The following CRYBG3 variants were observed in gnomAD, a reference collection of about 807,000 sequenced individuals.
The protein encoded by CRYBG3 is crystallin beta-gamma domain containing 3, also known as very large A-kinase anchor protein.
CRYBG3 carries 127 observed loss-of-function variants against 244.2 expected under a neutral mutation model. The observed-to-expected ratio is 0.52, with a 90% CI of 0.45 to 0.60. CRYBG3 has a LOEUF of 0.60. Among genes scored for constraint, CRYBG3 ranks in the 20% least tolerant of loss-of-function variants. The pLI, the probability that CRYBG3 is intolerant of heterozygous loss-of-function variation, is 0.00. For missense variants in CRYBG3, 3,325 were observed against 3,442.5 expected, an observed-to-expected ratio of 0.97 and a Z score of 0.85; for synonymous variants, 1,132 against 1,195.8, an observed-to-expected ratio of 0.95 and a Z score of 1.10.
intron 2 of CRYBG3, among the ~76,000 whole-genome samples, chr3:97,860,439 G>C (rs1331849189): frequency 1.3e-5 from 2 of 152,142 alleles, no homozygotes; most frequent in Non-Finnish European, 2.9e-5. Flanking sequence ...TTTTACAGTG[G>C]AGGGGTCTGC....
chr3:97,934,714 TTTC>T (rs2040140488), intron 18 of CRYBG3, among the ~76,000 whole-genome samples: 1 of 152,094 alleles, frequency 6.6e-6, no homozygotes, highest in African/African-American at 2.4e-5. Context: ...TAGCTTAAGT[TTTC>T]TTCTGCAAAA....
intron 2 of CRYBG3, among the ~76,000 whole-genome samples, chr3:97,856,003 C>T (rs1005377514): frequency 3.9e-5 from 6 of 152,018 alleles, no homozygotes; most frequent in African/African-American, 1.2e-4. Flanking sequence ...ATTTATTAGG[C>T]GGGAATTTCC....
Position 97,876,216 on chromosome 3 carries a change from T to G in CRYBG3, c.5022T>G (p.His1674Gln), listed in dbSNP as rs968870090. 9 of 1,231,854 alleles carry G rather than the reference T, an allele frequency of 7.3e-6. No individual in the cohort carries two copies. In the African/African-American group the frequency reaches 1.4e-4, roughly 19 times the overall value. 76.3% of individuals were successfully genotyped at this position (1,231,854 alleles called of 1,614,324 possible). ...TVDMENIYQT[H>Q]AEGDIGKTGT... ...ACATGGAAAATATTTACCAAACGCATGCTGAAGGGGATATTGGCAAGACTG... is the reference window on the plus strand; with the variant it reads ...ACATGGAAAATATTTACCAAACGCAGGCTGAAGGGGATATTGGCAAGACTG... Residue 1674 changes from histidine (H) to glutamine (Q), a missense_variant, in exon 4 of 22, where the codon CAT (histidine) becomes CAG (glutamine). Physicochemically the swap from His to Gln is conservative, Grantham distance 24. Coordinates refer to ENST00000389622, the MANE Select transcript of CRYBG3 (RefSeq NM_153605.4).
At position 97,877,071 on chromosome 3, in the gene CRYBG3, A is replaced by G. The variant is rs769089599; in HGVS notation, c.5877A>G (p.Val1959=). ...MPDFQPGDTT[V]RLDKRMSLTA... is the part of the protein sequence containing the mutation. The stretch of plus-strand genomic sequence containing the variant: ...ATTTTCAACCTGGGGATACCACAGT[A>G]AGACTAGACAAAAGAATGTCTCTTA... The change falls in exon 4 of 22, where the codon GTA becomes GTG. Residue 1959 remains valine (V), a synonymous_variant. Coordinates refer to ENST00000389622, the MANE Select transcript of CRYBG3 (RefSeq NM_153605.4). The G allele has an allele frequency of 1.9e-6, 3 of 1,608,596 alleles. No individual in the cohort carries two copies.
chr3:97,940,032 A>G (rs1185667430), intron 19 of CRYBG3, among the ~76,000 whole-genome samples: 2 of 152,056 alleles, frequency 1.3e-5, no homozygotes, highest in Non-Finnish European at 2.9e-5. Context: ...GTTTCTTAGC[A>G]TGAAAGTGCT....
chr3:97,906,467 TG>T (rs1399023954), intron 15 of CRYBG3, among the ~76,000 whole-genome samples: 9 of 123,298 alleles, frequency 7.3e-5, no homozygotes, highest in African/African-American at 2.6e-4. Context: ...TCACATCCCT[TG>T]TAAGTTGGAT....
intron 17 of CRYBG3, among the ~76,000 whole-genome samples, chr3:97,929,631 A>C (rs558581814): frequency 7.2e-5 from 11 of 152,128 alleles, no homozygotes; most frequent in African/African-American, 2.6e-4. Context: ...GGACCACATA[A>C]TGATATCCTT....
chr3:97,889,732 C>T (rs777710067), intron 10 of CRYBG3, among the ~76,000 whole-genome samples: 5 of 152,130 alleles, frequency 3.3e-5, no homozygotes, highest in South Asian at 2.1e-4. Flanking sequence ...AGATATCTAG[C>T]GGGCATTTGG....
chr3:97,875,766 A>G lies in CRYBG3; in HGVS notation c.4572A>G (p.Lys1524=). 8.1e-7 allele frequency: 1 copy of G among 1,232,102 alleles called. No individual in the cohort carries two copies. Among genetic ancestry groups the G allele is most frequent in the Non-Finnish European group, 1.0e-6 (1 of 987,906 alleles). 76.3% of individuals were successfully genotyped at this position (1,232,102 alleles called of 1,614,324 possible). A position where few individuals can be genotyped will look rare whatever the true frequency, so the allele number is the denominator to read the frequency against. The part of the protein sequence containing the change: ...NTPLAMSDVG[K]VHKKDNEINI... ...CTCTTGCAATGTCAGATGTAGGGAA[A>G]GTACACAAGAAGGATAATGAAATAA... The change falls in exon 4 of 22, where the codon AAA becomes AAG. Residue 1524 remains lysine (K), a synonymous_variant. Coordinates refer to ENST00000389622, the MANE Select transcript of CRYBG3 (RefSeq NM_153605.4).
chr3:97,938,108 TCTTTAG>T (rs1429182626), intron 19 of CRYBG3, among the ~76,000 whole-genome samples: 1 of 151,988 alleles, frequency 6.6e-6, no homozygotes, highest in Non-Finnish European at 1.5e-5. Context: ...CTCTCTAATC[TCTTTAG>T]AACACTTTCT....
chr3:97,859,252 T>A (rs748688320), intron 2 of CRYBG3, among the ~76,000 whole-genome samples: 30 of 152,260 alleles, frequency 2.0e-4, no homozygotes, highest in Non-Finnish European at 2.6e-4. Flanking sequence ...TCACTGGTAG[T>A]GTCAGGCTCC....
intron 12 of CRYBG3, 90 bp from the exon 13 acceptor site, chr3:97,898,793 C>A: frequency 1.2e-6 from 1 of 832,504 alleles, no homozygotes; most frequent in Non-Finnish European, 1.8e-6. Context: ...GTAAAAATTA[C>A]CCCATCAGTA....
At chr3:97,852,411 G>A (rs946374530) in intron 2 of CRYBG3, among the ~76,000 whole-genome samples, 24 of 152,268 alleles carry the variant, frequency 1.6e-4, no homozygotes, top group African/African-American at 5.1e-4. Flanking sequence ...GTGATTAGTC[G>A]TTAGAATGGT....
In CRYBG3 at chr3:97,875,570, T is replaced by C; in HGVS notation, c.4376T>C (p.Val1459Ala). 1 of 1,241,222 alleles carries C rather than the reference T, an allele frequency of 8.1e-7. No homozygotes were observed. Among genetic ancestry groups the C allele is most frequent in the South Asian group, 4.0e-5 (1 of 25,136 alleles). 76.9% of individuals were successfully genotyped at this position (1,241,222 alleles called of 1,614,324 possible). A position where few individuals can be genotyped will look rare whatever the true frequency, so the allele number is the denominator to read the frequency against. Residue 1459 changes from valine to alanine, a missense_variant, in exon 4 of 22, where the codon GTG becomes GCG. Coordinates refer to ENST00000389622, the MANE Select transcript of CRYBG3 (RefSeq NM_153605.4). Reference sequence around the variant, plus strand: ...AATGAGACAATGGAAATAGAGAATGTGGATAATAACAAAACTGAGACAGAG... The same window carrying C: ...AATGAGACAATGGAAATAGAGAATGCGGATAATAACAAAACTGAGACAGAG... ...DCNETMEIEN[V>A]DNNKTETEDR... is the part of the protein sequence containing the mutation.
chr3:97,920,676 C>T (rs2039974153), intron 17 of CRYBG3, among the ~76,000 whole-genome samples: 1 of 151,994 alleles, frequency 6.6e-6, no homozygotes, highest in Admixed American at 6.6e-5. Flanking sequence ...ATTACAGGCA[C>T]GTGCCATCAC....
chr3:97,909,945 T>G (rs2039844485), intron 15 of CRYBG3, among the ~76,000 whole-genome samples: 1 of 150,236 alleles, frequency 6.7e-6, no homozygotes, highest in South Asian at 2.1e-4. Context: ...GTCCTTTCTG[T>G]TTGTTAGTTT....
chr3:97,928,873 T>A (rs766249042), intron 17 of CRYBG3, among the ~76,000 whole-genome samples: 105 of 152,048 alleles, frequency 6.9e-4, no homozygotes, highest in South Asian at 1.2e-3. Context: ...AATAAGGTAT[T>A]GCACATATAT....
At chr3:97,836,455 G>A (rs2038734586) in intron 1 of CRYBG3, among the ~76,000 whole-genome samples, 1 of 152,036 alleles carries the variant, frequency 6.6e-6, no homozygotes, top group African/African-American at 2.4e-5. Context: ...TTTTCCAGAT[G>A]GTGGTTTGGA....
intron 11 of CRYBG3, among the ~76,000 whole-genome samples, chr3:97,893,745 T>C (rs1186562530): frequency 1.3e-5 from 2 of 152,238 alleles, no homozygotes; most frequent in African/African-American, 4.8e-5. Flanking sequence ...TAAGTATCAG[T>C]ATCTCTTGGT....
Sources: gnomAD v4.1 joint callset for allele counts (sites outside exome capture counted in the v4.1 genomes callset) on GRCh38, gnomAD v4.1.1 for gene constraint, MANE v1.5 for transcripts, NCBI Gene and HGNC (gene_info 2026-07-23, HGNC 2026-07-21) for gene names.